Variants in FAM110B observed in about 807,000 individuals in gnomAD.
FAM110B encodes the protein protein FAM110B.
A neutral mutation model predicts 20.4 loss-of-function variants in FAM110B; 6 were observed. That is an observed-to-expected ratio of 0.29 (90% CI 0.16 to 0.58). The LOEUF (loss-of-function observed/expected upper bound fraction) is 0.58, where lower values mean the gene tolerates loss of function less well. Ranked by LOEUF, FAM110B falls within the 20% of genes least tolerant of loss-of-function variation. The probability of loss-of-function intolerance (pLI) is 0.90; values close to 1 mark genes in which losing one functional copy is unlikely to be tolerated. For missense variants in FAM110B, 434 were observed against 498.2 expected (o/e 0.87, Z 1.23); for synonymous variants, 226 against 214.1 (o/e 1.06, Z -0.49).
At chr8:58,034,574 T>G (rs1402869183) in intron 2 of FAM110B, among the ~76,000 whole-genome samples, 1 of 152,208 alleles carries the variant, frequency 6.6e-6, no homozygotes, top group African/African-American at 2.4e-5. Flanking sequence ...CTGGGAAAGC[T>G]GTTTACTTGA....
intron 3 of FAM110B, among the ~76,000 whole-genome samples, chr8:58,090,971 T>A (rs1038141261): frequency 6.6e-6 from 1 of 152,226 alleles, no homozygotes; most frequent in African/African-American, 2.4e-5. Context: ...CTTCACACCC[T>A]TTTAAGCATT....
chr8:58,130,870 G>A (rs16923085), intron 3 of FAM110B, among the ~76,000 whole-genome samples: 3,359 of 152,286 alleles, frequency 0.022, 80 homozygotes, highest in African/African-American at 0.051. Context: ...GAGAGTTGCA[G>A]CAACCTGTCC....
chr8:58,016,921 G>A (rs1804649830), intron 1 of FAM110B, among the ~76,000 whole-genome samples: 1 of 152,170 alleles, frequency 6.6e-6, no homozygotes, highest in South Asian at 2.1e-4. Flanking sequence ...GGAGTAGGCT[G>A]GAAGCAGGGA....
chr8:58,083,082 G>A (rs1001503354), intron 3 of FAM110B, among the ~76,000 whole-genome samples: 1 of 151,632 alleles, frequency 6.6e-6, no homozygotes, highest in Admixed American at 6.6e-5. Flanking sequence ...TACATATGAA[G>A]GAAAGTCACT....
At chr8:58,090,190 C>G (rs1296554758) in intron 3 of FAM110B, among the ~76,000 whole-genome samples, 2 of 152,180 alleles carry the variant, frequency 1.3e-5, no homozygotes, top group Admixed American at 6.5e-5. Flanking sequence ...GACAAAGTCT[C>G]GCTGTGTTAC....
chr8:58,136,549 C>A (rs957578046), intron 3 of FAM110B, among the ~76,000 whole-genome samples: 20 of 152,086 alleles, frequency 1.3e-4, no homozygotes, highest in Admixed American at 6.5e-4. Flanking sequence ...TTCTAGTGGC[C>A]CTGCTTTTTA....
chr8:58,054,012 A>T (rs1016764164), intron 2 of FAM110B, among the ~76,000 whole-genome samples: 2 of 152,224 alleles, frequency 1.3e-5, no homozygotes, highest in African/African-American at 4.8e-5. Flanking sequence ...CAGAAAACTG[A>T]AGTGAGATGC....
chr8:58,045,213 A>G (rs1334735867), intron 2 of FAM110B, among the ~76,000 whole-genome samples: 1 of 152,130 alleles, frequency 6.6e-6, no homozygotes, highest in Non-Finnish European at 1.5e-5. Context: ...TTAACTGTTC[A>G]CAGCAGTGCT....
intron 2 of FAM110B, among the ~76,000 whole-genome samples, chr8:58,074,572 A>C (rs1472461604): frequency 6.6e-6 from 1 of 152,158 alleles, no homozygotes; most frequent in Admixed American, 6.5e-5. Flanking sequence ...CCCTTTCTGG[A>C]ATATAAACTC....
At chr8:58,067,465 TCCTCCTC>T (rs1407572935) in intron 2 of FAM110B, among the ~76,000 whole-genome samples, 2 of 152,044 alleles carry the variant, frequency 1.3e-5, no homozygotes, top group Non-Finnish European at 2.9e-5. Context: ...GTCTCCTCCT[TCCTCCTC>T]CATCCACTGC....
rs761091750 is a variant in FAM110B at position 58,006,901 on chromosome 8, G to GTATATATA, written c.-512+12111_-512+12118dup. 1.9e-3 allele frequency among the ~76,000 whole-genome samples: 184 copies of GTATATATA among 97,546 alleles called. 3 individuals carry two copies. Among genetic ancestry groups the GTATATATA allele is most frequent in the African/African-American group, 4.5e-3 (132 of 29,084 alleles). 64.0% of individuals were successfully genotyped at this position (97,546 alleles called of 152,430 possible). On this transcript the variant is annotated intron_variant, in intron 1 of 3. Coordinates refer to ENST00000519262, the MANE Select transcript of FAM110B (RefSeq NM_001377989.1). ...TGAGCCACTGGGCCTGGCTTAATTG[G>GTATATATA]TATATATATATATATATATATATTT...
chr8:58,090,804 C>G (rs1435087577), intron 3 of FAM110B, among the ~76,000 whole-genome samples: 1 of 152,102 alleles, frequency 6.6e-6, no homozygotes, highest in Non-Finnish European at 1.5e-5. Context: ...CCCCACAAGG[C>G]CTTTGAGCTC....
chr8:58,094,607 T>C (rs566786378), intron 3 of FAM110B, among the ~76,000 whole-genome samples: 1 of 152,344 alleles, frequency 6.6e-6, no homozygotes, highest in East Asian at 1.9e-4. Flanking sequence ...GCCTACCTGA[T>C]CGTGATGGAT....
At chr8:58,103,002 G>GAA (rs60027491) in intron 3 of FAM110B, among the ~76,000 whole-genome samples, 2,184 of 98,644 alleles carry the variant, frequency 0.022, 53 homozygotes, top group South Asian at 0.062. Flanking sequence ...TGCTTGTTAT[G>GAA]AAAAAAAAAA....
intron 3 of FAM110B, among the ~76,000 whole-genome samples, chr8:58,080,229 A>G (rs1157701718): frequency 1.3e-5 from 2 of 152,242 alleles, no homozygotes; most frequent in African/African-American, 4.8e-5. Flanking sequence ...TCAGGGTCAT[A>G]CATGCAACAG....
At chr8:58,070,816 G>A (rs1311519351) in intron 2 of FAM110B, among the ~76,000 whole-genome samples, 1 of 152,248 alleles carries the variant, frequency 6.6e-6, no homozygotes, top group Non-Finnish European at 1.5e-5. Context: ...TGATGTTGAA[G>A]CTGTGCCTTA....
chr8:58,125,192 A>T (rs1366358777), intron 3 of FAM110B, among the ~76,000 whole-genome samples: 2 of 152,168 alleles, frequency 1.3e-5, no homozygotes, highest in Admixed American at 6.6e-5. Flanking sequence ...CACAAAAAAT[A>T]TAAAAATTAG....
intron 2 of FAM110B, among the ~76,000 whole-genome samples, chr8:58,054,432 A>G (rs967535062): frequency 6.6e-6 from 1 of 152,216 alleles, no homozygotes; most frequent in African/African-American, 2.4e-5. Flanking sequence ...GAATATTTCT[A>G]TACTTCTCCC....
intron 2 of FAM110B, among the ~76,000 whole-genome samples, chr8:58,072,317 A>C (rs11988687): frequency 0.018 from 2,798 of 152,280 alleles, 89 homozygotes; most frequent in African/African-American, 0.064. Context: ...AGTGATGTCA[A>C]ATGCCTAGGG....
Sources: allele counts gnomAD v4.1 joint callset (sites outside exome capture counted in the v4.1 genomes callset), GRCh38; gene constraint gnomAD v4.1.1; transcripts MANE v1.5; gene names NCBI Gene and HGNC (gene_info 2026-07-23, HGNC 2026-07-21).